PLEKHG1: variants seen among roughly 807,000 people sequenced by gnomAD.
PLEKHG1 encodes pleckstrin homology and RhoGEF domain containing G1.
A neutral mutation model predicts 100.8 loss-of-function variants in PLEKHG1; 44 were observed. That is an observed-to-expected ratio of 0.44 (90% CI 0.34 to 0.56). PLEKHG1 has a LOEUF of 0.56. Among genes scored for constraint, PLEKHG1 ranks in the 20% least tolerant of loss-of-function variants. The probability of loss-of-function intolerance (pLI) is 0.01; values close to 1 mark genes in which losing one functional copy is unlikely to be tolerated. For synonymous variants in PLEKHG1, 640 were observed against 662.5 expected (o/e 0.97, Z 0.52); for missense variants, 1,545 against 1,720.9 (o/e 0.90, Z 1.81).
At chr6:150,763,921 C>T (rs549900040) in intron 2 of PLEKHG1, among the ~76,000 whole-genome samples, 1 of 152,196 alleles carries the variant, frequency 6.6e-6, no homozygotes, top group East Asian at 1.9e-4. Context: ...ACTGAAAGCC[C>T]ACATGGCTGA....
chr6:150,735,383 C>T (rs1782512005), intron 2 of PLEKHG1, among the ~76,000 whole-genome samples: 1 of 152,180 alleles, frequency 6.6e-6, no homozygotes, highest in South Asian at 2.1e-4. Flanking sequence ...CTGTTTTAGA[C>T]ATTGACTCTA....
In PLEKHG1 at chr6:150,782,656, G is replaced by T. The variant is rs143113309; in HGVS notation, c.513-3734G>T. 2.3e-3 allele frequency among the ~76,000 whole-genome samples: 344 copies of T among 152,294 alleles called. 1 individual carries two copies. Among genetic ancestry groups the T allele is most frequent in the African/African-American group, 7.4e-3 (308 of 41,570 alleles). On this transcript the variant is annotated intron_variant, in intron 3 of 15. Transcript: ENST00000358517. ...TTGCAACAGATAGAATGCAGAAGCA[G>T]ATAGGACAATCCAGCTATGTTCTAT...
chr6:150,613,756 C>G (rs1206892049), intron 1 of PLEKHG1, among the ~76,000 whole-genome samples: 1 of 152,202 alleles, frequency 6.6e-6, no homozygotes, highest in Admixed American at 6.5e-5. Context: ...TCCCTCCACT[C>G]CATTCAGGTT....
At chr6:150,779,931 C>T (rs892722881) in intron 3 of PLEKHG1, among the ~76,000 whole-genome samples, 3 of 151,262 alleles carry the variant, frequency 2.0e-5, no homozygotes, top group Non-Finnish European at 4.4e-5. Flanking sequence ...CTACTGCACA[C>T]CAGCCTGGGT....
chr6:150,834,124 C>A (rs1037426608), intron 15 of PLEKHG1, among the ~76,000 whole-genome samples: 2 of 152,144 alleles, frequency 1.3e-5, no homozygotes, highest in Non-Finnish European at 2.9e-5. Flanking sequence ...AAGGATTTCA[C>A]AGACTCTGAG....
intron 2 of PLEKHG1, among the ~76,000 whole-genome samples, chr6:150,746,495 A>G (rs1783170932): frequency 6.6e-6 from 1 of 152,222 alleles, no homozygotes; most frequent in East Asian, 1.9e-4. Context: ...ACTAATAAAA[A>G]CTGCCACAAA....
At chr6:150,613,743 T>A (rs1776947617) in intron 1 of PLEKHG1, among the ~76,000 whole-genome samples, 1 of 152,030 alleles carries the variant, frequency 6.6e-6, no homozygotes, top group Non-Finnish European at 1.5e-5. Flanking sequence ...TCTCCCCGAA[T>A]CTTCCCTCCA....
chr6:150,690,807 G>C (rs1295386928), intron 3 of PLEKHG1, among the ~76,000 whole-genome samples: 1 of 152,220 alleles, frequency 6.6e-6, no homozygotes, highest in African/African-American at 2.4e-5. Context: ...TTTGTTGAGT[G>C]AAATCACGGT....
At chr6:150,604,938 T>C (rs1776526732) in intron 1 of PLEKHG1, among the ~76,000 whole-genome samples, 1 of 152,216 alleles carries the variant, frequency 6.6e-6, no homozygotes, top group Non-Finnish European at 1.5e-5. Context: ...TACCTCTTCA[T>C]GTATACCCTG....
chr6:150,809,629 C>A lies in PLEKHG1; in HGVS notation c.1192-19C>A. 1 of 1,604,990 alleles carries A rather than the reference C, an allele frequency of 6.2e-7. No individual in the cohort carries two copies. Among genetic ancestry groups the A allele is most frequent in the South Asian group, 1.1e-5 (1 of 90,812 alleles). On this transcript the variant is annotated intron_variant, in intron 9 of 15. Transcript: ENST00000358517. ...TGGTGGAATCAAGTTGTCTGACTGT[C>A]TACATCTCGTCTTGGCAGGCCAAAT...
intron 4 of PLEKHG1, among the ~76,000 whole-genome samples, chr6:150,791,390 G>C (rs1176213737): frequency 6.6e-6 from 1 of 152,038 alleles, no homozygotes; most frequent in Non-Finnish European, 1.5e-5. Context: ...GGCTGGGAGC[G>C]GTGGCTCACA....
chr6:150,780,705 A>G (rs899076271), intron 3 of PLEKHG1, among the ~76,000 whole-genome samples: 1 of 152,166 alleles, frequency 6.6e-6, no homozygotes, highest in African/African-American at 2.4e-5. Context: ...GTAATTCTCA[A>G]TTGCTGAAAA....
intron 2 of PLEKHG1, among the ~76,000 whole-genome samples, chr6:150,645,624 A>G (rs1272678534): frequency 6.6e-6 from 1 of 152,238 alleles, no homozygotes; most frequent in African/African-American, 2.4e-5. Flanking sequence ...GGAAGGAAAC[A>G]TAGATGCATA....
At chr6:150,819,850 G>C (rs367699595) in intron 12 of PLEKHG1, 76 bp downstream of exon 13, 12 of 859,932 alleles carry the variant, frequency 1.4e-5, no homozygotes, top group African/African-American at 1.3e-4. Context: ...TCTGACAAAA[G>C]GGAATGTTCT....
intron 3 of PLEKHG1, among the ~76,000 whole-genome samples, chr6:150,704,959 G>A (rs1022669896): frequency 2.0e-5 from 3 of 152,142 alleles, no homozygotes; most frequent in African/African-American, 7.2e-5. Context: ...CAGTCCTGTT[G>A]GACTAGAGCC....
chr6:150,804,190 TTTTTTTTTTTTTTC>T (rs1786899260), intron 6 of PLEKHG1, among the ~76,000 whole-genome samples: 1 of 96,968 alleles, frequency 1.0e-5, no homozygotes, highest in Non-Finnish European at 1.9e-5. Context: ...TTTTTTTTTT[TTTTTTTTTTTTTTC>T]GAGGCAGAGT....
intron 1 of PLEKHG1, among the ~76,000 whole-genome samples, chr6:150,612,058 C>CTCCA (rs745525578): frequency 9.8e-6 from 1 of 101,746 alleles, no homozygotes; most frequent in Non-Finnish European, 2.2e-5. Flanking sequence ...CCCCCCCCCC[C>CTCCA]CCTTTTCTAG....
intron 5 of PLEKHG1, among the ~76,000 whole-genome samples, chr6:150,798,224 A>C (rs1031219346): frequency 6.6e-6 from 1 of 152,160 alleles, no homozygotes; most frequent in African/African-American, 2.4e-5. Flanking sequence ...TCTTCTCCAC[A>C]AAACTTCTTC....
At chr6:150,830,434 G>A in intron 14 of PLEKHG1, 148 bp from the exon 16 acceptor site, 1 of 602,192 alleles carries the variant, frequency 1.7e-6, no homozygotes, top group Non-Finnish European at 2.8e-6. Context: ...ATTAGCCTGG[G>A]TAACACAGCA....
Sources: allele counts gnomAD v4.1 joint callset (sites outside exome capture counted in the v4.1 genomes callset), GRCh38; gene constraint gnomAD v4.1.1; transcripts MANE v1.5; gene names NCBI Gene and HGNC (gene_info 2026-07-23, HGNC 2026-07-21).